The following CNTN3 variants were observed in gnomAD, a reference collection of about 807,000 sequenced individuals.
CNTN3 encodes contactin 3.
A neutral mutation model predicts 119.1 loss-of-function variants in CNTN3; 60 were observed. The ratio of observed to expected loss-of-function variants is 0.50; its 90% confidence interval spans 0.41 to 0.62. CNTN3 has a LOEUF of 0.62. Among genes scored for constraint, CNTN3 ranks in the 20% least tolerant of loss-of-function variants. CNTN3 has a pLI of 0.00. For missense variants in CNTN3, 1,101 were observed against 1,242.4 expected (o/e 0.89, Z 1.71); for synonymous variants, 450 against 438.7 (o/e 1.03, Z -0.32).
chr3:74,388,139 T>C (rs1323689271), intron 5 of CNTN3, among the ~76,000 whole-genome samples: 2 of 152,148 alleles, frequency 1.3e-5, no homozygotes, highest in African/African-American at 4.8e-5. Flanking sequence ...GTCTGATACA[T>C]GTAATTTCAC....
intron 18 of CNTN3, among the ~76,000 whole-genome samples, chr3:74,296,191 C>T (rs1401928145): frequency 6.6e-6 from 1 of 152,122 alleles, no homozygotes; most frequent in Non-Finnish European, 1.5e-5. Context: ...AAGCCCGATT[C>T]ATTTTTCATG....
chr3:74,274,404 C>T (rs1314197475), intron 20 of CNTN3, among the ~76,000 whole-genome samples: 1 of 152,140 alleles, frequency 6.6e-6, no homozygotes, highest in Non-Finnish European at 1.5e-5. Context: ...GTCCATTTCA[C>T]AGCCCCGCCA....
At chr3:74,454,921 C>T (rs1442873856) in intron 4 of CNTN3, among the ~76,000 whole-genome samples, 3 of 152,172 alleles carry the variant, frequency 2.0e-5, no homozygotes, top group African/African-American at 7.2e-5. Flanking sequence ...CCCGACCTTT[C>T]TCTCTGGCTG....
At chr3:74,499,313 T>C (rs1458079829) in intron 3 of CNTN3, among the ~76,000 whole-genome samples, 1 of 151,946 alleles carries the variant, frequency 6.6e-6, no homozygotes, top group Non-Finnish European at 1.5e-5. Context: ...AGTATTTGTT[T>C]AACTATGATT....
intron 4 of CNTN3, among the ~76,000 whole-genome samples, chr3:74,454,752 A>G (rs539596741): frequency 2.0e-5 from 3 of 151,908 alleles, no homozygotes; most frequent in Admixed American, 6.6e-5. Flanking sequence ...AAAGGATTTT[A>G]TTTCTCCTTC....
intron 1 of CNTN3, among the ~76,000 whole-genome samples, chr3:74,523,799 G>A (rs1703577217): frequency 6.6e-6 from 1 of 151,772 alleles, no homozygotes; most frequent in African/African-American, 2.4e-5. Flanking sequence ...ATATTGTAAT[G>A]GGAAAAGAGA....
intron 1 of CNTN3, among the ~76,000 whole-genome samples, chr3:74,544,133 CGAGGCAGAAAATACATT>C (rs1469819542): frequency 5.3e-5 from 8 of 152,062 alleles, no homozygotes; most frequent in Admixed American, 1.3e-4. Context: ...TCACAGACCA[CGAGGCAGAAAATACATT>C]GAGGCAACTG....
chr3:74,278,474 C>A (rs1559677209), intron 20 of CNTN3, among the ~76,000 whole-genome samples: 3 of 152,118 alleles, frequency 2.0e-5, no homozygotes, highest in Non-Finnish European at 4.4e-5. Context: ...GCCAACTGAT[C>A]TCCAACAAAG....
At chr3:74,431,636 G>C (rs928702026) in intron 4 of CNTN3, among the ~76,000 whole-genome samples, 4 of 152,006 alleles carry the variant, frequency 2.6e-5, no homozygotes, top group African/African-American at 9.7e-5. Flanking sequence ...CAATTTTATG[G>C]GAAATGCTGA....
At chr3:74,372,795 C>A (rs1704374312) in intron 5 of CNTN3, among the ~76,000 whole-genome samples, 1 of 152,140 alleles carries the variant, frequency 6.6e-6, no homozygotes, top group Non-Finnish European at 1.5e-5. Flanking sequence ...AGGTGCCATT[C>A]TTTCATGGCT....
chr3:74,439,656 G>A (rs1008151026), intron 4 of CNTN3, among the ~76,000 whole-genome samples: 2 of 152,144 alleles, frequency 1.3e-5, no homozygotes, highest in African/African-American at 4.8e-5. Context: ...TCAGAGGCAG[G>A]CTGATGGCAC....
At chr3:74,532,917 G>A (rs1393314244) in intron 1 of CNTN3, among the ~76,000 whole-genome samples, 1 of 152,032 alleles carries the variant, frequency 6.6e-6, no homozygotes, top group Non-Finnish European at 1.5e-5. Context: ...GGATTAACTT[G>A]CATGATAATG....
intron 20 of CNTN3, among the ~76,000 whole-genome samples, chr3:74,279,084 G>A (rs1701940808): frequency 1.3e-5 from 2 of 152,086 alleles, no homozygotes; most frequent in African/African-American, 2.4e-5. Context: ...TGTAAGAATG[G>A]CCATCAATAA....
intron 5 of CNTN3, among the ~76,000 whole-genome samples, chr3:74,403,295 A>G (rs7625564): frequency 0.74 from 112,425 of 151,748 alleles, 41,701 homozygotes; most frequent in East Asian, 0.81. Flanking sequence ...GACAGAATAT[A>G]AGGTAGGAGT....
chr3:74,348,336 A>G (rs1373205114), intron 11 of CNTN3, among the ~76,000 whole-genome samples: 1 of 152,228 alleles, frequency 6.6e-6, no homozygotes, highest in African/African-American at 2.4e-5. Flanking sequence ...CTTGTCAAGT[A>G]TACCTTACTA....
At chr3:74,525,835 T>C (rs185996970) in intron 1 of CNTN3, among the ~76,000 whole-genome samples, 14 of 152,014 alleles carry the variant, frequency 9.2e-5, no homozygotes, top group African/African-American at 3.4e-4. Context: ...GCCTGGTTGC[T>C]CTAAAAGAAG....
chr3:74,526,847 T>C (rs1298404736), intron 1 of CNTN3, among the ~76,000 whole-genome samples: 1 of 151,810 alleles, frequency 6.6e-6, no homozygotes, highest in African/African-American at 2.4e-5. Flanking sequence ...TCTATTGTAT[T>C]ATTTAGATTA....
intron 14 of CNTN3, 130 bp downstream of exon 14, chr3:74,302,560 G>A (rs764399359): frequency 3.2e-6 from 2 of 629,938 alleles, no homozygotes; most frequent in Admixed American, 5.1e-5. Flanking sequence ...ATATTCTGTG[G>A]TCTATGAGGG....
chr3:74,394,814 T>TAAA (rs5850174), intron 5 of CNTN3, among the ~76,000 whole-genome samples: 94,375 of 151,496 alleles, frequency 0.62, 30,096 homozygotes, highest in African/African-American at 0.74. Flanking sequence ...CTTTTAATCT[T>TAAA]AGAAGATAGG....
Sources: allele counts gnomAD v4.1 joint callset (sites outside exome capture counted in the v4.1 genomes callset), GRCh38; gene constraint gnomAD v4.1.1; transcripts MANE v1.5; gene names NCBI Gene and HGNC (gene_info 2026-07-23, HGNC 2026-07-21).